Variants in ATG3 observed in about 807,000 individuals in gnomAD.
The protein encoded by ATG3 is autophagy related 3.
Under a neutral mutation model 50.7 loss-of-function variants are expected in ATG3, and 25 were observed. The ratio of observed to expected loss-of-function variants is 0.49; its 90% confidence interval spans 0.36 to 0.69. The LOEUF is 0.69. ATG3 is among the 30% of genes least tolerant of loss of function. The pLI, the probability that ATG3 is intolerant of heterozygous loss-of-function variation, is 0.00. For synonymous variants in ATG3, 119 were observed against 125.5 expected (o/e 0.95, Z 0.34); for missense variants, 281 against 376.0 (o/e 0.75, Z 2.09).
chr3:112,559,389 T>A (rs924759707), intron 1 of ATG3, among the ~76,000 whole-genome samples: 1 of 152,238 alleles, frequency 6.6e-6, no homozygotes. Flanking sequence ...TGCCAGACAC[T>A]ATTTGAGGCA....
In ATG3 at chr3:112,544,053, G is replaced by T. The variant is rs1206570622; in HGVS notation, c.393+4C>A. On this transcript the variant is annotated splice_donor_region_variant and intron_variant, in intron 6 of 11. Coordinates refer to ENST00000283290, the MANE Select transcript of ATG3 (RefSeq NM_022488.5). ...ATTTAAAAATATAACTAATTAACCA[G>T]TACCTTATTTTCCAGTGTGATCTCT... 1.3e-6 allele frequency: 2 copies of T among 1,580,824 alleles called. No individual in the cohort carries two copies. Among genetic ancestry groups the T allele is most frequent in the African/African-American group, 1.4e-5 (1 of 74,016 alleles).
chr3:112,543,952 G>A (rs2107375770), intron 6 of ATG3, 105 bp downstream of exon 6: 3 of 787,680 alleles, frequency 3.8e-6, no homozygotes, highest in East Asian at 5.6e-5. Context: ...AAAAAACCAG[G>A]GTTTTTATAA....
At chr3:112,533,685 A>G (rs3732817) in intron 11 of ATG3, 328,411 of 984,986 alleles carry the variant, frequency 0.33, 57,314 homozygotes, top group East Asian at 0.54. Context: ...TGCTATGAGT[A>G]CATGTACTTT....
intron 6 of ATG3, among the ~76,000 whole-genome samples, chr3:112,543,195 C>G (rs1234392442): frequency 6.6e-6 from 1 of 151,942 alleles, no homozygotes; most frequent in Non-Finnish European, 1.5e-5. Context: ...ACTAGGAACA[C>G]AATTATTCCA....
intron 6 of ATG3, among the ~76,000 whole-genome samples, chr3:112,543,510 CAAG>C (rs1056934797): frequency 6.6e-6 from 1 of 152,072 alleles, no homozygotes; most frequent in Non-Finnish European, 1.5e-5. Flanking sequence ...TTGAATGATG[CAAG>C]CTAAAGTTTG....
At chr3:112,547,005 G>A (rs1435804103) in intron 5 of ATG3, among the ~76,000 whole-genome samples, 1 of 152,194 alleles carries the variant, frequency 6.6e-6, no homozygotes, top group Non-Finnish European at 1.5e-5. Context: ...GAAAGAGATG[G>A]CAGTATCCTT....
intron 10 of ATG3, chr3:112,535,746 T>C (rs1933025085): frequency 6.6e-6 from 1 of 152,210 alleles, no homozygotes; most frequent in African/African-American, 2.4e-5. Flanking sequence ...TTCATCTAAC[T>C]AGTCAACAGA....
intron 7 of ATG3, among the ~76,000 whole-genome samples, 180 bp downstream of exon 7, chr3:112,541,623 A>T (rs2107373550): frequency 6.6e-6 from 1 of 152,350 alleles, no homozygotes; most frequent in Admixed American, 6.5e-5. Flanking sequence ...AAAATAGAAG[A>T]GTCCAAGATC....
intron 7 of ATG3, among the ~76,000 whole-genome samples, chr3:112,539,746 T>C (rs894477193): frequency 6.6e-6 from 1 of 152,220 alleles, no homozygotes; most frequent in African/African-American, 2.4e-5. Flanking sequence ...AAATGAAAAT[T>C]ACCTTTATAT....
intron 2 of ATG3, 31 bp downstream of exon 2, chr3:112,558,345 A>G (rs1933743567): frequency 6.5e-7 from 1 of 1,532,550 alleles, no homozygotes. Context: ...ATTGTAAAAT[A>G]AAAAGACTTC....
At chr3:112,558,461 T>C in intron 1 of ATG3, 44 bp from the exon 2 acceptor site, 2 of 1,431,522 alleles carry the variant, frequency 1.4e-6, no homozygotes, top group East Asian at 2.3e-5. Context: ...CATGTTTCAC[T>C]ATCAATTAAA....
At chr3:112,536,749 G>C (rs749928184) in intron 9 of ATG3, 147 bp from the exon 10 acceptor site, 1 of 727,364 alleles carries the variant, frequency 1.4e-6, no homozygotes, top group Non-Finnish European at 2.1e-6. Context: ...GTGAAACACC[G>C]TCTCTACTAA....
chr3:112,542,606 C>T (rs1056923989), intron 6 of ATG3, among the ~76,000 whole-genome samples: 2 of 151,934 alleles, frequency 1.3e-5, no homozygotes, highest in Non-Finnish European at 2.9e-5. Flanking sequence ...CATTCTTACA[C>T]CCAAAATTGA....
chr3:112,556,419 G>C (rs1489510056), intron 2 of ATG3, among the ~76,000 whole-genome samples: 1 of 147,928 alleles, frequency 6.8e-6, no homozygotes, highest in South Asian at 2.2e-4. Context: ...TCAGCCCCCC[G>C]CCCGGCCAGC....
At chr3:112,547,979 C>CT (rs893516783) in intron 5 of ATG3, among the ~76,000 whole-genome samples, 20 of 151,990 alleles carry the variant, frequency 1.3e-4, no homozygotes, top group Non-Finnish European at 2.2e-4. Flanking sequence ...CTCTGACGGT[C>CT]TTTTTTTTCC....
At chr3:112,534,130 G>T (rs1316836051) in intron 11 of ATG3, 139 bp downstream of exon 11, 2 of 1,414,728 alleles carry the variant, frequency 1.4e-6, no homozygotes, top group East Asian at 5.2e-5. Flanking sequence ...CTAAATAAAT[G>T]AAAGACTTCT....
At chr3:112,533,717 G>A (rs187624596) in intron 11 of ATG3, 2 of 985,274 alleles carry the variant, frequency 2.0e-6, no homozygotes, top group East Asian at 2.3e-4. Flanking sequence ...GTTTGCTTGG[G>A]CATTAACTTG....
chr3:112,543,623 A>G (rs1933291189), intron 6 of ATG3, among the ~76,000 whole-genome samples: 1 of 152,152 alleles, frequency 6.6e-6, no homozygotes, highest in East Asian at 1.9e-4. Flanking sequence ...TAAGCTATAA[A>G]ATTTAAATGT....
At chr3:112,556,944 G>T (rs1156587387) in intron 2 of ATG3, among the ~76,000 whole-genome samples, 4 of 151,580 alleles carry the variant, frequency 2.6e-5, no homozygotes, top group African/African-American at 7.3e-5. Flanking sequence ...TCACTTATCT[G>T]CTGACCTTCC....
Sources: allele counts gnomAD v4.1 joint callset (sites outside exome capture counted in the v4.1 genomes callset), GRCh38; gene constraint gnomAD v4.1.1; transcripts MANE v1.5; gene names NCBI Gene and HGNC (gene_info 2026-07-23, HGNC 2026-07-21).